The following LANCL1 variants were observed in gnomAD, a reference collection of about 807,000 sequenced individuals.
LANCL1 encodes glutathione S-transferase LANCL1.
LANCL1 carries 50 observed loss-of-function variants against 50.6 expected under a neutral mutation model. The ratio of observed to expected loss-of-function variants is 0.99; its 90% CI spans 0.79 to 1.25. LANCL1 has a LOEUF of 1.25. Among genes scored for constraint, LANCL1 ranks in the 50% most tolerant of loss-of-function variants. The pLI, the probability that LANCL1 is intolerant of heterozygous loss-of-function variation, is 0.00. For missense variants in LANCL1, 532 were observed against 480.7 expected, an observed-to-expected ratio of 1.11 and a Z score of -1.00; for synonymous variants, 188 against 178.6, an observed-to-expected ratio of 1.05 and a Z score of -0.42.
chr2:210,477,442 A>T (rs371864677), upstream of LANCL1: 16 of 1,041,836 alleles, frequency 1.5e-5, no homozygotes, highest in African/African-American at 3.3e-5. Flanking sequence ...TTTAAAATTA[A>T]ATCCCACCTG....
rs146829495 is a variant in LANCL1, at chr2:210,437,780, G to C, written c.783C>G (p.Tyr261Ter). 6.2e-7 allele frequency: 1 copy of C among 1,613,394 alleles called. No homozygotes were observed. The highest frequency in any genetic ancestry group is 8.5e-7 in the Non-Finnish European group (1 of 1,179,582). The part of the protein sequence containing the change: ...VCQLKFPSGN[Y>*]PPCIGDNRDL... ...CTCGATTATCACCTATACATGGAGG[G>C]TAATTGCCAGAAGGGAATTTCAGCT... Residue 261 changes from tyrosine to a stop codon, truncating the protein, a stop_gained, in exon 7 of 10, where the codon TAC becomes TAG. Transcript: ENST00000450366. LOFTEE classifies it high-confidence loss of function.
chr2:210,476,160 T>C (rs1315414414), intron 2 of LANCL1, among the ~76,000 whole-genome samples, 156 bp downstream of exon 2: 1 of 152,252 alleles, frequency 6.6e-6, no homozygotes, highest in Non-Finnish European at 1.5e-5. Context: ...GCTCAATTTG[T>C]ATATATTAAC....
Position 210,455,088 on chromosome 2 carries a change from C to T in LANCL1, c.407+19G>A, listed in dbSNP as rs1205089014. ...CATAATGATGCTAGAAAATAATCCT[C>T]ATATAGAAACATGATTACCGTGTGA... On this transcript the variant is annotated intron_variant, in intron 4 of 9. Coordinates refer to ENST00000450366, the MANE Select transcript of LANCL1 (RefSeq NM_006055.3). 1.9e-6 allele frequency: 3 copies of T among 1,592,150 alleles called. No individual in the cohort carries two copies. Among genetic ancestry groups the T allele is most frequent in the Non-Finnish European group, 2.6e-6 (3 of 1,161,158 alleles).
intron 2 of LANCL1, among the ~76,000 whole-genome samples, chr2:210,474,467 G>A (rs1248731464): frequency 2.6e-5 from 4 of 151,878 alleles, no homozygotes; most frequent in Non-Finnish European, 5.9e-5. Context: ...TGTAATCCCG[G>A]CACTTTGGGA....
At chr2:210,460,548 A>G (rs1693822123) in intron 3 of LANCL1, 1 of 152,194 alleles carries the variant, frequency 6.6e-6, no homozygotes, top group Non-Finnish European at 1.5e-5. Flanking sequence ...TATCAGGTTG[A>G]TAATTTCTAA....
intron 4 of LANCL1, among the ~76,000 whole-genome samples, chr2:210,448,102 G>T (rs1265512199): frequency 2.6e-5 from 4 of 152,136 alleles, no homozygotes; most frequent in African/African-American, 7.2e-5. Flanking sequence ...CTCATAATTG[G>T]AAGTAAAACA....
intron 3 of LANCL1, among the ~76,000 whole-genome samples, chr2:210,461,885 G>T (rs1337369746): frequency 1.3e-5 from 2 of 152,056 alleles, no homozygotes; most frequent in African/African-American, 4.8e-5. Flanking sequence ...GCCATCCCTT[G>T]GGTTTACTTA....
intron 3 of LANCL1, among the ~76,000 whole-genome samples, chr2:210,458,369 G>T (rs1693729984): frequency 6.6e-6 from 1 of 152,208 alleles, no homozygotes; most frequent in Admixed American, 6.5e-5. Flanking sequence ...TAGCAGGCCA[G>T]TTAGGATTTG....
chr2:210,434,454 C>G lies in LANCL1; in HGVS notation c.*33G>C. 3 of 1,557,064 alleles carry G rather than the reference C, an allele frequency of 1.9e-6. No individual in the cohort carries two copies. The highest frequency in any genetic ancestry group is 1.7e-5 in the Admixed American group (1 of 59,482). On this transcript the variant is annotated 3_prime_UTR_variant, in exon 10 of 10. Transcript: ENST00000450366. ...TTGGGTTTGAATATACAGAAAGGGTCATGCAGTGAGTTGCAGGTGGCATGC... is the reference window on the plus strand; with the variant it reads ...TTGGGTTTGAATATACAGAAAGGGTGATGCAGTGAGTTGCAGGTGGCATGC...
chr2:210,459,158 T>G (rs1368745855), intron 3 of LANCL1, among the ~76,000 whole-genome samples: 2 of 152,086 alleles, frequency 1.3e-5, no homozygotes, highest in African/African-American at 4.8e-5. Flanking sequence ...TCTAAACTGA[T>G]CTAGAGTTTA....
chr2:210,474,630 G>A (rs1451331174), intron 2 of LANCL1, among the ~76,000 whole-genome samples: 2 of 151,976 alleles, frequency 1.3e-5, no homozygotes, highest in African/African-American at 4.8e-5. Context: ...GGAGGCTGGG[G>A]CATGAGAGTC....
Position 210,455,275 on chromosome 2 carries a change from C to A in LANCL1, c.239G>T (p.Gly80Val). Reference sequence around the variant, plus strand: ...TGCTAACTGTAGGTAGGCAGGGTCCCCAAATACATCATAAAGATGTAAGTA... The same window carrying A: ...TGCTAACTGTAGGTAGGCAGGGTCCACAAATACATCATAAAGATGTAAGTA... ...VLYLHLYDVF[G>V]DPAYLQLAHG... The change falls in exon 4 of 10, where the codon GGG (glycine) becomes GTG (valine). Residue 80 changes from glycine to valine, a missense_variant. By Grantham distance (109) the Gly-to-Val change is moderately radical. Transcript: ENST00000450366. 1 of 1,605,140 alleles carries A rather than the reference C, an allele frequency of 6.2e-7. No individual in the cohort carries two copies. The highest frequency in any genetic ancestry group is 8.5e-7 in the Non-Finnish European group (1 of 1,177,370).
intron 4 of LANCL1, among the ~76,000 whole-genome samples, chr2:210,452,697 T>C (rs1429291624): frequency 6.6e-6 from 1 of 152,176 alleles, no homozygotes; most frequent in African/African-American, 2.4e-5. Context: ...CTGATTTCCT[T>C]GGATTTCAAT....
chr2:210,462,467 A>G (rs1467591317), intron 3 of LANCL1, among the ~76,000 whole-genome samples: 1 of 152,198 alleles, frequency 6.6e-6, no homozygotes. Context: ...AAAAGAACTG[A>G]GGCTGTTCAT....
upstream of LANCL1, chr2:210,477,576 G>A: frequency 7.2e-7 from 1 of 1,397,532 alleles, no homozygotes. Flanking sequence ...CCTCCAACTG[G>A]AGAAGCTCAG....
chr2:210,436,118 T>TGACCTCAGGTGATCCGCC, intron 8 of LANCL1, 98 bp downstream of exon 8: 3 of 1,037,348 alleles, frequency 2.9e-6, no homozygotes, highest in Non-Finnish European at 4.3e-6. Context: ...CTCGAACTCC[T>TGACCTCAGGTGATCCGCC]GACCTCAGGT....
intron 6 of LANCL1, among the ~76,000 whole-genome samples, chr2:210,439,337 A>G (rs549866714): frequency 8.5e-5 from 13 of 152,324 alleles, no homozygotes; most frequent in Non-Finnish European, 1.6e-4. Context: ...TGTTTCAATG[A>G]AAGTTTGATG....
At chr2:210,440,396 AG>A (rs1693089647) in intron 6 of LANCL1, among the ~76,000 whole-genome samples, 1 of 152,226 alleles carries the variant, frequency 6.6e-6, no homozygotes, top group Non-Finnish European at 1.5e-5. Flanking sequence ...TTTAAAACGC[AG>A]GGCCTTTAAT....
intron 4 of LANCL1, among the ~76,000 whole-genome samples, chr2:210,450,903 A>G (rs1693492355): frequency 6.6e-6 from 1 of 152,194 alleles, no homozygotes; most frequent in Admixed American, 6.5e-5. Flanking sequence ...TAGTTCAACC[A>G]TTGTGGAAGA....
Sources: allele counts gnomAD v4.1 joint callset (sites outside exome capture counted in the v4.1 genomes callset), GRCh38; gene constraint gnomAD v4.1.1; transcripts MANE v1.5; gene names NCBI Gene and HGNC (gene_info 2026-07-23, HGNC 2026-07-21).